The following ANGEL2 variants were observed in gnomAD, a reference collection of about 807,000 sequenced individuals.
ANGEL2 encodes the protein angel homolog 2.
Under a neutral mutation model 66.0 loss-of-function variants are expected in ANGEL2, and 41 were observed. The observed-to-expected ratio is 0.62, with a 90% confidence interval of 0.48 to 0.81. The LOEUF is 0.81. Among genes scored for constraint, ANGEL2 ranks in the 30% least tolerant of loss-of-function variants. The pLI, the probability that ANGEL2 is intolerant of heterozygous loss-of-function variation, is 0.00. For synonymous variants in ANGEL2, 208 were observed against 226.5 expected, an observed-to-expected ratio of 0.92 and a Z score of 0.73; for missense variants, 561 against 641.6, an observed-to-expected ratio of 0.87 and a Z score of 1.36.
At chr1:213,011,348 T>C (rs2076503782) in intron 2 of ANGEL2, 2 of 1,199,868 alleles carry the variant, frequency 1.7e-6, no homozygotes, top group Non-Finnish European at 2.1e-6. Context: ...AAATACCACT[T>C]TAAAGTGATA....
chr1:213,012,325 T>C (rs2076529794), intron 2 of ANGEL2, among the ~76,000 whole-genome samples: 1 of 152,154 alleles, frequency 6.6e-6, no homozygotes, highest in African/African-American at 2.4e-5. Flanking sequence ...TCACTGAAAA[T>C]TATGGTTCAA....
intron 8 of ANGEL2, among the ~76,000 whole-genome samples, chr1:212,996,641 AT>A (rs1258296282): frequency 0.039 from 2,439 of 63,012 alleles, 44 homozygotes; most frequent in Non-Finnish European, 0.046. Context: ...AAAAAAAAAA[AT>A]ATATATATAT....
At position 213,005,274 on chromosome 1, in the gene ANGEL2, T is replaced by A. The variant is rs139660446; in HGVS notation, c.893A>T (p.Tyr298Phe). Residue 298 changes from tyrosine (Y) to phenylalanine (F), a missense_variant, in exon 5 of 9, where the codon TAT (tyrosine) becomes TTT (phenylalanine). Coordinates refer to ENST00000366962, the MANE Select transcript of ANGEL2 (RefSeq NM_144567.5). ...TACGCAGATTGCAGGGCAGGCAGCA[T>A]ATGGAATTTTGGGCTGTAAGAGTAA... ...LVLLLQPKIPYAACPAICVAN... is the reference protein window; with the variant it reads ...LVLLLQPKIPFAACPAICVAN... 2.5e-6 allele frequency: 4 copies of A among 1,614,122 alleles called. No individual in the cohort carries two copies. Among genetic ancestry groups the A allele is most frequent in the African/African-American group, 1.3e-5 (1 of 74,950 alleles).
In ANGEL2 at chr1:212,995,118, T is replaced by C. The variant is rs370515512; in HGVS notation, c.1558A>G (p.Thr520Ala). The C allele has an allele frequency of 7.1e-5, 115 of 1,612,360 alleles. No individual in the cohort carries two copies. Among genetic ancestry groups the C allele is most frequent in the Non-Finnish European group, 9.5e-5 (112 of 1,179,094 alleles). Residue 520 changes from threonine to alanine, a missense_variant, in exon 9 of 9, where the codon ACT becomes GCT. By Grantham distance (58) the Thr-to-Ala change is moderately conservative. Coordinates refer to ENST00000366962, the MANE Select transcript of ANGEL2 (RefSeq NM_144567.5). The part of the protein sequence containing the change: ...LSLLTEQDLW[T>A]VNGLPNENNS... ...TTTTCGTTTGGAAGTCCATTAACAG[T>C]CCATAAGTCTTGTTCTGTAAGAAGT...
intron 2 of ANGEL2, chr1:213,011,518 G>T (rs781308117): frequency 3.5e-5 from 36 of 1,025,288 alleles, no homozygotes; most frequent in Middle Eastern, 4.6e-4. Flanking sequence ...GTAGGTAAAT[G>T]TAATTCCCCA....
chr1:212,996,474 T>C (rs1455999846), intron 8 of ANGEL2, among the ~76,000 whole-genome samples: 1 of 149,894 alleles, frequency 6.7e-6, no homozygotes. Context: ...ATACAAAAAT[T>C]AGGTGGGCAT....
In ANGEL2 at chr1:212,992,939, G is replaced by A. The variant is rs1045419469; in HGVS notation, c.*2102C>T. 6.6e-6 allele frequency: 1 copy of A among 152,044 alleles called. No homozygotes were observed. The highest frequency in any genetic ancestry group is 1.5e-5 in the Non-Finnish European group (1 of 68,020). The allele number at this position is 152,044 out of a possible 1,614,324, so 9.4% of individuals were successfully genotyped here. ...TGATAATGTCTATATCTGCTAATTA[G>A]GGCACATAATATCCTGCAAACTACT... On this transcript the variant is annotated 3_prime_UTR_variant, in exon 9 of 9. Coordinates refer to ENST00000366962, the MANE Select transcript of ANGEL2 (RefSeq NM_144567.5).
chr1:212,999,708 A>ATT (rs775687792), intron 7 of ANGEL2, among the ~76,000 whole-genome samples: 1 of 152,202 alleles, frequency 6.6e-6, no homozygotes, highest in Non-Finnish European at 1.5e-5. Flanking sequence ...ACATGTATCA[A>ATT]TTTCTCAACC....
intron 7 of ANGEL2, among the ~76,000 whole-genome samples, chr1:212,998,890 T>A (rs1277552678): frequency 6.6e-6 from 1 of 151,178 alleles, no homozygotes; most frequent in African/African-American, 2.4e-5. Context: ...AAAATTATTA[T>A]CATTATTGAG....
Position 212,995,002 on chromosome 1 carries a change from T to A in ANGEL2, c.*39A>T. The A allele has an allele frequency of 6.4e-7, 1 of 1,555,224 alleles. No individual in the cohort carries two copies. The highest frequency in any genetic ancestry group is 1.2e-5 in the South Asian group (1 of 81,402). On this transcript the variant is annotated 3_prime_UTR_variant, in exon 9 of 9. Coordinates refer to ENST00000366962, the MANE Select transcript of ANGEL2 (RefSeq NM_144567.5). ...GAACTTTACATTCTTTGAAAAACAATACAAATTGGAAAGAAAATTAGTATG... is the reference window on the plus strand; with the variant it reads ...GAACTTTACATTCTTTGAAAAACAAAACAAATTGGAAAGAAAATTAGTATG...
At chr1:213,000,562 A>G (rs2076149427) in intron 6 of ANGEL2, 179 bp from the exon 7 acceptor site, 1 of 755,010 alleles carries the variant, frequency 1.3e-6, no homozygotes, top group Admixed American at 3.5e-5. Context: ...AGAAAAATGC[A>G]AACAATTCCA....
chr1:213,006,199 C>T (rs771293072), intron 4 of ANGEL2, among the ~76,000 whole-genome samples: 3 of 152,072 alleles, frequency 2.0e-5, no homozygotes, highest in East Asian at 1.9e-4. Flanking sequence ...TGGTGGCTCA[C>T]GCCTATAATC....
intron 6 of ANGEL2, 66 bp from the exon 7 acceptor site, chr1:213,000,449 T>C: frequency 7.3e-7 from 1 of 1,362,626 alleles, no homozygotes; most frequent in Non-Finnish European, 1.0e-6. Context: ...GTCATCTTAC[T>C]CTAGAAACAA....
intron 3 of ANGEL2, among the ~76,000 whole-genome samples, chr1:213,007,482 T>C (rs2076367626): frequency 6.6e-6 from 1 of 152,234 alleles, no homozygotes; most frequent in Admixed American, 6.5e-5. Context: ...AGGATATTTT[T>C]CCGGGTTTTA....
chr1:213,007,071 C>T (rs530178005), intron 4 of ANGEL2, 58 bp downstream of exon 4: 16 of 1,475,872 alleles, frequency 1.1e-5, no homozygotes, highest in South Asian at 2.3e-5. Flanking sequence ...TCCAGTTGGG[C>T]GACAGAGTGA....
rs1339847515 is a variant in ANGEL2 at position 213,005,054 on chromosome 1, A to G, written c.1113T>C (p.Tyr371=). ...YSFIKEGKLN[Y]EGLPIGKVSG... The stretch of plus-strand genomic sequence containing the variant: ...TTACCTTTCCTATGGGAAGTCCTTC[A>G]TAATTCAATTTTCCTTCCTTTATGA... The change falls in exon 5 of 9, where the codon TAT becomes TAC. Residue 371 remains tyrosine, a synonymous_variant. Coordinates refer to ENST00000366962, the MANE Select transcript of ANGEL2 (RefSeq NM_144567.5). 1.9e-6 allele frequency: 3 copies of G among 1,572,866 alleles called. No homozygotes were observed. The South Asian group carries it at 3.6e-5, about 19-fold the overall frequency.
chr1:212,996,428 C>A (rs1572103323), intron 8 of ANGEL2, among the ~76,000 whole-genome samples: 1 of 151,308 alleles, frequency 6.6e-6, no homozygotes, highest in African/African-American at 2.4e-5. Flanking sequence ...TTGAGACCAG[C>A]CTGGGCAACA....
intron 6 of ANGEL2, 137 bp from the exon 7 acceptor site, chr1:213,000,520 A>G (rs10157273): frequency 0.061 from 50,713 of 826,484 alleles, 7,633 homozygotes; most frequent in African/African-American, 0.49. Flanking sequence ...TGGAATCTAT[A>G]TATTTCGATG....
At position 213,015,745 on chromosome 1, in the gene ANGEL2, A is replaced by G; in HGVS notation, c.-74T>C. 1 of 1,603,588 alleles carries G rather than the reference A, an allele frequency of 6.2e-7. No individual in the cohort carries two copies. Among genetic ancestry groups the G allele is most frequent in the Non-Finnish European group, 8.5e-7 (1 of 1,171,250 alleles). The stretch of plus-strand genomic sequence containing the variant: ...ATCTCTATAATCGATGCGACGGCCT[A>G]AAGTATCTAGGGAACCCCATCACTC... On this transcript the variant is annotated 5_prime_UTR_variant, in exon 1 of 9. Coordinates refer to ENST00000366962, the MANE Select transcript of ANGEL2 (RefSeq NM_144567.5).
Sources: allele counts gnomAD v4.1 joint callset (sites outside exome capture counted in the v4.1 genomes callset), GRCh38; gene constraint gnomAD v4.1.1; transcripts MANE v1.5; gene names NCBI Gene and HGNC (gene_info 2026-07-23, HGNC 2026-07-21).